SLC15A1: variants seen among roughly 807,000 people sequenced by gnomAD.
The protein encoded by SLC15A1 is solute carrier family 15 member 1.
In SLC15A1, 83 loss-of-function variants were observed where a neutral mutation model predicts 92.9. The observed-to-expected ratio is 0.89, with a 90% CI of 0.75 to 1.07. The LOEUF is 1.07. Ranked by LOEUF, SLC15A1 falls within the 50% of genes least tolerant of loss-of-function variation. SLC15A1 has a pLI of 0.00. For synonymous variants in SLC15A1, 322 were observed against 318.2 expected (o/e 1.01, Z -0.13); for missense variants, 857 against 880.1 (o/e 0.97, Z 0.33).
intron 1 of SLC15A1, among the ~76,000 whole-genome samples, chr13:98,733,962 G>GTTTTA (rs970002847): frequency 2.0e-5 from 3 of 152,058 alleles, no homozygotes; most frequent in Admixed American, 2.0e-4. Context: ...AGATCTGGTC[G>GTTTTA]TTTTATTTTA....
intron 5 of SLC15A1, among the ~76,000 whole-genome samples, chr13:98,722,484 G>GA (rs11433753): frequency 0.82 from 125,318 of 151,934 alleles, 52,241 homozygotes; most frequent in African/African-American, 0.95. Context: ...CTCCTGAGTT[G>GA]AAAAAAAATT....
At chr13:98,726,601 T>C (rs1656636164) in intron 2 of SLC15A1, 152 bp from the exon 3 acceptor site, 3 of 784,196 alleles carry the variant, frequency 3.8e-6, no homozygotes, top group Admixed American at 2.0e-5. Flanking sequence ...AATCATTTTA[T>C]TCCCTACACT....
chr13:98,711,635 A>G (rs1343664736), intron 11 of SLC15A1, among the ~76,000 whole-genome samples: 1 of 151,784 alleles, frequency 6.6e-6, no homozygotes, highest in African/African-American at 2.4e-5. Flanking sequence ...AGCAACAGAA[A>G]TGTGGATAGA....
At chr13:98,723,206 A>C (rs1045625878) in intron 5 of SLC15A1, among the ~76,000 whole-genome samples, 4 of 152,172 alleles carry the variant, frequency 2.6e-5, no homozygotes, top group African/African-American at 9.7e-5. Context: ...CCCTCTGGGC[A>C]CCAAGAGTGT....
intron 14 of SLC15A1, among the ~76,000 whole-genome samples, chr13:98,709,204 A>G (rs1177882247): frequency 6.6e-6 from 1 of 151,980 alleles, no homozygotes; most frequent in Non-Finnish European, 1.5e-5. Context: ...CCTGACCTCA[A>G]ATGGTCTGCC....
chr13:98,715,100 C>A (rs539309545), intron 9 of SLC15A1, among the ~76,000 whole-genome samples: 1 of 152,214 alleles, frequency 6.6e-6, no homozygotes, highest in African/African-American at 2.4e-5. Context: ...TGTGGGCTTA[C>A]ATTTTTGCTA....
At chr13:98,731,703 C>T (rs2088352148) in intron 1 of SLC15A1, among the ~76,000 whole-genome samples, 1 of 152,206 alleles carries the variant, frequency 6.6e-6, no homozygotes, top group African/African-American at 2.4e-5. Flanking sequence ...CTTCATCTTT[C>T]CAGAGTCGTC....
Position 98,688,521 on chromosome 13 carries a change from G to T in SLC15A1, c.1523C>A (p.Ala508Glu). 6.2e-7 allele frequency: 1 copy of T among 1,614,044 alleles called. No homozygotes were observed. Among genetic ancestry groups the T allele is most frequent in the South Asian group, 1.1e-5 (1 of 91,070 alleles). The change falls in exon 19 of 23, where the codon GCA (alanine) becomes GAA (glutamate). Residue 508 changes from alanine (A) to glutamate (E), a missense_variant. Physicochemically the swap from Ala to Glu is moderately radical, Grantham distance 107. Transcript: ENST00000376503. ...GCTGGCATTGTAGCTGCTGATGTTT[G>T]CATAAACTTTCCCACTCATTGTGAT... Reference protein sequence around the residue: ...ITITMSGKVYANISSYNASTY... With the variant: ...ITITMSGKVYENISSYNASTY...
chr13:98,711,828 A>T, intron 11 of SLC15A1, 26 bp downstream of exon 11: 1 of 1,563,436 alleles, frequency 6.4e-7, no homozygotes, highest in Non-Finnish European at 8.8e-7. Context: ...TCCGTGAAGA[A>T]GAGCACAAGC....
chr13:98,726,195 G>T lies in SLC15A1; in HGVS notation c.173C>A (p.Thr58Lys). Residue 58 changes from threonine (T) to lysine (K), a missense_variant, in exon 4 of 23, where the codon ACG becomes AAG. Thr to Lys is a moderately conservative substitution (Grantham distance 78). Transcript: ENST00000376503. ...DDNLSTAIYHTFVALCYLTPI... is the reference protein window; with the variant it reads ...DDNLSTAIYHKFVALCYLTPI... ...CGTCAGGTAGCACAGAGCCACAAAC[G>T]TATGGTAGATGGCGGTGGACAGGTT... 1.2e-6 allele frequency: 2 copies of T among 1,614,088 alleles called. No homozygotes were observed. Among genetic ancestry groups the T allele is most frequent in the Non-Finnish European group, 1.7e-6 (2 of 1,180,012 alleles).
In SLC15A1 at chr13:98,723,931, CG is replaced by C; in HGVS notation, c.345del (p.Asp116ThrfsTer11). On this transcript the variant is annotated frameshift_variant, in exon 5 of 23. Coordinates refer to ENST00000376503, the MANE Select transcript of SLC15A1 (RefSeq NM_005073.4). LOFTEE classifies it high-confidence loss of function. ...DLTDHNHDGT[P>X]DSLPVHVVLS... Reference sequence around the variant, plus strand: ...ACTCACACGTGCACAGGAAGGCTGTCGGGGGTGCCATCATGGTTGTGGTCTG... The same window carrying C: ...ACTCACACGTGCACAGGAAGGCTGTCGGGGTGCCATCATGGTTGTGGTCTG... 6.2e-7 allele frequency: 1 copy of C among 1,614,076 alleles called. No individual in the cohort carries two copies. Among genetic ancestry groups the C allele is most frequent in the Non-Finnish European group, 8.5e-7 (1 of 1,179,992 alleles).
rs2088166556 is a variant in SLC15A1 at position 98,711,914 on chromosome 13, A to T, written c.840T>A (p.Val280=). Residue 280 remains valine, a synonymous_variant, in exon 11 of 23, where the codon GTT becomes GTA. Transcript: ENST00000376503. ...GAATATACAGGAACATCACCCTCGT[A>T]ACCATCTTAATTTGGGAGATGAGCC... The part of the protein sequence containing the change: ...DERLISQIKM[V]TRVMFLYIPL... 2 of 1,613,002 alleles carry T rather than the reference A, an allele frequency of 1.2e-6. No homozygotes were observed. Among genetic ancestry groups the T allele is most frequent in the South Asian group, 2.2e-5 (2 of 91,034 alleles).
Position 98,711,938 on chromosome 13 carries a change from C to A in SLC15A1, c.816G>T (p.Arg272=). The A allele has an allele frequency of 6.2e-7, 1 of 1,611,678 alleles. No individual in the cohort carries two copies. Among genetic ancestry groups the A allele is most frequent in the South Asian group, 1.1e-5 (1 of 90,994 alleles). ...TAACCATCTTAATTTGGGAGATGAG[C>A]CGCTCCTGTAGTTGGAGTGGGGAAG... The part of the protein sequence containing the change: ...LDWAKEKYDE[R]LISQIKMVTR... Residue 272 remains arginine (R), a synonymous_variant, in exon 11 of 23, where the codon CGG becomes CGT. Transcript: ENST00000376503.
chr13:98,719,129 A>C, intron 8 of SLC15A1, 108 bp downstream of exon 8: 1 of 718,030 alleles, frequency 1.4e-6, no homozygotes, highest in Non-Finnish European at 2.4e-6. Context: ...TCTTCTCACT[A>C]CTTTTTGTTG....
chr13:98,685,207 A>G (rs769349682), intron 22 of SLC15A1, among the ~76,000 whole-genome samples: 5 of 152,204 alleles, frequency 3.3e-5, no homozygotes, highest in Admixed American at 6.5e-5. Flanking sequence ...GCCTTAAGAC[A>G]TGTGGCTGGA....
chr13:98,725,536 C>G (rs1198655191), intron 4 of SLC15A1, among the ~76,000 whole-genome samples: 1 of 152,144 alleles, frequency 6.6e-6, no homozygotes, highest in Admixed American at 6.5e-5. Flanking sequence ...TCACACATCA[C>G]TAATAATAGA....
intron 12 of SLC15A1, 32 bp downstream of exon 12, chr13:98,709,835 C>A: frequency 1.2e-6 from 2 of 1,614,084 alleles, no homozygotes; most frequent in Non-Finnish European, 1.7e-6. Context: ...AGAAAGGGGA[C>A]AAAGAAACTA....
intron 1 of SLC15A1, among the ~76,000 whole-genome samples, chr13:98,745,105 T>C (rs2088482242): frequency 6.6e-6 from 1 of 152,170 alleles, no homozygotes; most frequent in Non-Finnish European, 1.5e-5. Context: ...AACGTCGTTT[T>C]TAGAACTAGA....
intron 5 of SLC15A1, 112 bp downstream of exon 5, chr13:98,723,799 AG>A: frequency 6.9e-7 from 1 of 1,441,438 alleles, no homozygotes; most frequent in Non-Finnish European, 9.4e-7. Flanking sequence ...CCCAAGGGGG[AG>A]GAAAAACCTC....
Sources: gnomAD v4.1 joint callset for allele counts (sites outside exome capture counted in the v4.1 genomes callset) on GRCh38, gnomAD v4.1.1 for gene constraint, MANE v1.5 for transcripts, NCBI Gene and HGNC (gene_info 2026-07-23, HGNC 2026-07-21) for gene names.